Variants in ESRRG observed in about 807,000 individuals in gnomAD.
ESRRG encodes the protein estrogen-related receptor gamma.
Under a neutral mutation model 44.0 loss-of-function variants are expected in ESRRG, and 13 were observed. That is an observed-to-expected ratio of 0.30 (90% confidence interval 0.19 to 0.47). ESRRG has a LOEUF of 0.47. Ranked by LOEUF, ESRRG falls within the 20% of genes least tolerant of loss-of-function variation. The pLI, the probability that ESRRG is intolerant of heterozygous loss-of-function variation, is 1.00. For synonymous variants in ESRRG, 215 were observed against 214.6 expected, an observed-to-expected ratio of 1.00 and a Z score of -0.02; for missense variants, 395 against 580.6, an observed-to-expected ratio of 0.68 and a Z score of 3.29.
chr1:216,727,280 G>A (rs1432436174), upstream of ESRRG, among the ~76,000 whole-genome samples: 1 of 152,066 alleles, frequency 6.6e-6, no homozygotes, highest in Non-Finnish European at 1.5e-5. Context: ...TATTTTCCCT[G>A]CTGTTTTAAA....
chr1:216,939,364 A>AAAAAAAAC lies in ESRRG; in HGVS notation c.-14+217_-14+218insGTTTTTTT, dbSNP rs1553720877. ...TAGACAAAAAAAAAAAAAAAAAAAA[A>AAAAAAAAC]AAAAAACACTTTAAAGGCATTTAAA... On this transcript the variant is annotated intron_variant, in intron 2 of 7. Coordinates refer to the ESRRG transcript ENST00000359162. Among the ~76,000 whole-genome samples, 129 of 133,762 alleles carry AAAAAAAAC rather than the reference A, an allele frequency of 9.6e-4. 4 individuals are homozygous for AAAAAAAAC. Among genetic ancestry groups the AAAAAAAAC allele is most frequent in the African/African-American group, 3.3e-3 (106 of 32,074 alleles). The allele number at this position is 133,762 out of a possible 152,430, so 87.8% of individuals were successfully genotyped here.
chr1:217,101,115 T>G (rs2151567476), intron 1 of ESRRG, among the ~76,000 whole-genome samples: 1 of 152,352 alleles, frequency 6.6e-6, no homozygotes, highest in South Asian at 2.1e-4. Context: ...CACATCCTCT[T>G]TCTTGCCAGG....
chr1:217,000,799 C>T (rs991130683), intron 1 of ESRRG: 12 of 152,250 alleles, frequency 7.9e-5, no homozygotes, highest in African/African-American at 2.9e-4. Flanking sequence ...GCATTGGTCC[C>T]ATGCAGCAAG....
At chr1:216,937,318 A>T (rs1181569495) in intron 2 of ESRRG, among the ~76,000 whole-genome samples, 1 of 152,180 alleles carries the variant, frequency 6.6e-6, no homozygotes, top group Non-Finnish European at 1.5e-5. Context: ...TGATATAAAA[A>T]TAGGCTTGAA....
chr1:216,742,937 A>C (rs926907173), intron 2 of ESRRG, among the ~76,000 whole-genome samples: 2 of 152,132 alleles, frequency 1.3e-5, no homozygotes, highest in Non-Finnish European at 2.9e-5. Context: ...ATCAAGGCAA[A>C]ATGAGTGTAG....
chr1:216,578,559 T>C (rs1253089740), intron 3 of ESRRG, among the ~76,000 whole-genome samples: 1 of 151,986 alleles, frequency 6.6e-6, no homozygotes, highest in East Asian at 1.9e-4. Context: ...GAAAAAGCAA[T>C]TAGAAGGATA....
chr1:216,707,213 T>C, intron 1 of ESRRG: 1 of 836,156 alleles, frequency 1.2e-6, no homozygotes, highest in Non-Finnish European at 1.8e-6. Context: ...AAATATACTG[T>C]CTTACATGAT....
intron 1 of ESRRG, among the ~76,000 whole-genome samples, chr1:216,960,119 G>A (rs551943593): frequency 7.1e-6 from 1 of 140,862 alleles, no homozygotes. Flanking sequence ...GAACATTGAA[G>A]AATAAAGTCT....
At chr1:216,859,448 A>T (rs1427309330) in intron 2 of ESRRG, among the ~76,000 whole-genome samples, 1 of 152,204 alleles carries the variant, frequency 6.6e-6, no homozygotes, top group Admixed American at 6.5e-5. Context: ...AAAGATAGAG[A>T]ACTCCAGAGA....
At chr1:216,969,089 G>A (rs957981391) in intron 1 of ESRRG, among the ~76,000 whole-genome samples, 4 of 152,104 alleles carry the variant, frequency 2.6e-5, no homozygotes, top group African/African-American at 9.7e-5. Flanking sequence ...TCTTTCTTAA[G>A]CACATATTTA....
chr1:216,994,647 T>TC (rs1560405193), intron 1 of ESRRG, among the ~76,000 whole-genome samples: 1 of 152,214 alleles, frequency 6.6e-6, no homozygotes, highest in East Asian at 1.9e-4. Context: ...AGTGGCGCTA[T>TC]GTCGGCTCAC....
intron 2 of ESRRG, among the ~76,000 whole-genome samples, chr1:216,840,920 G>C (rs1444519840): frequency 6.6e-6 from 1 of 151,988 alleles, no homozygotes; most frequent in Non-Finnish European, 1.5e-5. Context: ...TAATAATAAT[G>C]GGAAAGTTTG....
chr1:216,617,943 C>T (rs557945785), intron 3 of ESRRG, among the ~76,000 whole-genome samples: 50 of 152,190 alleles, frequency 3.3e-4, no homozygotes, highest in African/African-American at 1.2e-3. Flanking sequence ...TATGGTACAG[C>T]AATATGGAAG....
At chr1:217,113,848 C>A (rs1048220539) in intron 1 of ESRRG, among the ~76,000 whole-genome samples, 1 of 151,976 alleles carries the variant, frequency 6.6e-6, no homozygotes, top group Non-Finnish European at 1.5e-5. Context: ...AAATAATTAG[C>A]TGGGTGTAGC....
chr1:216,649,474 C>A (rs2068414710), intron 3 of ESRRG, among the ~76,000 whole-genome samples: 1 of 151,690 alleles, frequency 6.6e-6, no homozygotes, highest in African/African-American at 2.4e-5. Context: ...ATCCATTCTC[C>A]TTTCCATCTC....
chr1:216,914,086 A>G (rs1034642992), intron 2 of ESRRG, among the ~76,000 whole-genome samples: 5 of 151,980 alleles, frequency 3.3e-5, no homozygotes, highest in Non-Finnish European at 7.4e-5. Flanking sequence ...TAAAAATCAT[A>G]TTAGCTCCCC....
chr1:216,873,432 G>A (rs2096288544), intron 2 of ESRRG, among the ~76,000 whole-genome samples: 2 of 151,812 alleles, frequency 1.3e-5, no homozygotes, highest in Admixed American at 6.6e-5. Flanking sequence ...GGCTGGTCTC[G>A]AACTCCTGAC....
rs145959255 is a variant in ESRRG, at chr1:216,951,880, C to T, written c.-105-12207G>A. 5.7e-3 allele frequency among the ~76,000 whole-genome samples: 843 copies of T among 148,766 alleles called. 5 individuals are homozygous for T. The highest frequency in any genetic ancestry group is 0.033 in the East Asian group (168 of 5,118). On this transcript the variant is annotated intron_variant, in intron 1 of 7. Transcript: ENST00000359162. ...CAGACATATACACATACTATATATA[C>T]ATATGTTTGCATATATATATATATA...
intron 3 of ESRRG, among the ~76,000 whole-genome samples, chr1:216,578,695 A>G (rs1253460841): frequency 2.6e-5 from 4 of 152,130 alleles, no homozygotes; most frequent in African/African-American, 9.7e-5. Flanking sequence ...GTTCTTAAAT[A>G]TTCATGAGGA....
Sources: allele counts gnomAD v4.1 joint callset (sites outside exome capture counted in the v4.1 genomes callset), GRCh38; gene constraint gnomAD v4.1.1; transcripts MANE v1.5; gene names NCBI Gene and HGNC (gene_info 2026-07-23, HGNC 2026-07-21).